RB1CC1: variants seen among roughly 807,000 people sequenced by gnomAD.
The protein encoded by RB1CC1 is RB1-inducible coiled-coil protein 1.
Under a neutral mutation model 177.5 loss-of-function variants are expected in RB1CC1, and 46 were observed. The observed-to-expected ratio is 0.26, with a 90% confidence interval of 0.20 to 0.33. The LOEUF is 0.33. Ranked by LOEUF, RB1CC1 falls within the 10% of genes least tolerant of loss-of-function variation. RB1CC1 has a pLI of 1.00. For missense variants in RB1CC1, 1,703 were observed against 1,816.3 expected (o/e 0.94, Z 1.13); for synonymous variants, 666 against 613.6 (o/e 1.09, Z -1.26).
chr8:52,653,393 T>C (rs934748637), intron 15 of RB1CC1, among the ~76,000 whole-genome samples: 3 of 152,150 alleles, frequency 2.0e-5, no homozygotes, highest in Non-Finnish European at 4.4e-5. Context: ...AGAGCAGTAA[T>C]TAGAAGGTTT....
At chr8:52,647,085 A>G (rs1850116681) in intron 15 of RB1CC1, among the ~76,000 whole-genome samples, 1 of 152,150 alleles carries the variant, frequency 6.6e-6, no homozygotes, top group Non-Finnish European at 1.5e-5. Context: ...TTCTTATGTA[A>G]TTTCCTCATC....
At chr8:52,683,760 T>G in intron 4 of RB1CC1, 41 bp from the exon 5 acceptor site, 1 of 1,558,636 alleles carries the variant, frequency 6.4e-7, no homozygotes, top group Non-Finnish European at 8.7e-7. Flanking sequence ...AAATAAAATG[T>G]TATAAATACT....
intron 1 of RB1CC1, among the ~76,000 whole-genome samples, chr8:52,695,698 G>T (rs1855339062): frequency 6.6e-6 from 1 of 152,248 alleles, no homozygotes; most frequent in Non-Finnish European, 1.5e-5. Flanking sequence ...CCAAGAGAAG[G>T]TAACACTGTC....
intron 18 of RB1CC1, among the ~76,000 whole-genome samples, chr8:52,636,453 T>C (rs1849149259): frequency 6.6e-6 from 1 of 152,206 alleles, no homozygotes; most frequent in Non-Finnish European, 1.5e-5. Context: ...CACTAGTTAC[T>C]ATGCCAGGTG....
At position 52,709,059 on chromosome 8, in the gene RB1CC1, T is replaced by C. The variant is rs918195703; in HGVS notation, c.-167+5016A>G. Among the ~76,000 whole-genome samples the C allele has an allele frequency of 2.6e-5, 4 of 151,972 alleles. No individual in the cohort carries two copies. The East Asian group carries it at 5.8e-4, about 22-fold the overall frequency. On this transcript the variant is annotated intron_variant, in intron 1 of 23. Transcript: ENST00000025008. ...CCCATTTCTACTAAAAACACAAAAT[T>C]ATCTGAGTGTGGTAGCACATGCCTG...
At chr8:52,680,317 T>C (rs1853576469) in intron 5 of RB1CC1, among the ~76,000 whole-genome samples, 3 of 152,168 alleles carry the variant, frequency 2.0e-5, no homozygotes, top group Non-Finnish European at 4.4e-5. Context: ...GTATCACTGA[T>C]TGAAGGCTAC....
At chr8:52,633,582 T>C (rs1848917612) in intron 20 of RB1CC1, among the ~76,000 whole-genome samples, 1 of 152,244 alleles carries the variant, frequency 6.6e-6, no homozygotes, top group Admixed American at 6.5e-5. Flanking sequence ...AAGATATTTT[T>C]ATTTTTTAAA....
chr8:52,699,104 T>C (rs776246570), intron 1 of RB1CC1, among the ~76,000 whole-genome samples: 4 of 152,166 alleles, frequency 2.6e-5, no homozygotes, highest in Non-Finnish European at 4.4e-5. Flanking sequence ...ACTGAATTGG[T>C]AATACTCCAG....
At chr8:52,625,386 T>C (rs1179784442) in intron 22 of RB1CC1, among the ~76,000 whole-genome samples, 1 of 152,132 alleles carries the variant, frequency 6.6e-6, no homozygotes, top group African/African-American at 2.4e-5. Context: ...CTGAAAAATG[T>C]GAGAGAAGAC....
chr8:52,676,660 G>T, intron 5 of RB1CC1, 89 bp from the exon 6 acceptor site: 2 of 1,161,014 alleles, frequency 1.7e-6, no homozygotes, highest in Non-Finnish European at 2.5e-6. Context: ...TGTACGTGTG[G>T]ATGCGTTGTA....
At chr8:52,658,579 G>GAAAAAAAAAAAAA (rs67680393) in intron 13 of RB1CC1, among the ~76,000 whole-genome samples, 1 of 98,798 alleles carries the variant, frequency 1.0e-5, no homozygotes, top group African/African-American at 3.9e-5. Flanking sequence ...TCCGTCTCAA[G>GAAAAAAAAAAAAA]AAAAAAAAAA....
At chr8:52,658,188 C>T (rs1211956672) in intron 13 of RB1CC1, 64 bp from the exon 14 acceptor site, 8 of 1,467,690 alleles carry the variant, frequency 5.5e-6, no homozygotes, top group Non-Finnish European at 7.4e-6. Context: ...TAACTGCTAC[C>T]AAATATTTTA....
At position 52,656,494 on chromosome 8, in the gene RB1CC1, T is replaced by C. The variant is rs1563386186; in HGVS notation, c.3335A>G (p.Gln1112Arg). Reference sequence around the variant, plus strand: ...CACCTGATAATTTTCATTATTATCCTGAATCTTTTGGTTGAGTTTACTAAT... The same window carrying C: ...CACCTGATAATTTTCATTATTATCCCGAATCTTTTGGTTGAGTTTACTAAT... ...TEISKLNQKI[Q>R]DNNENYQVGL... The change falls in exon 15 of 24, where the codon CAG becomes CGG. Residue 1112 changes from glutamine (Q) to arginine (R), a missense_variant. By Grantham distance (43) the Gln-to-Arg change is conservative. Around this residue, in one of 6 missense-constraint regions of RB1CC1, gnomAD observed 1,169 missense variants for 1,184.7 expected, o/e 0.99. Transcript: ENST00000025008. 2 of 1,611,200 alleles carry C rather than the reference T, an allele frequency of 1.2e-6. No individual in the cohort carries two copies. Among genetic ancestry groups the C allele is most frequent in the Non-Finnish European group, 1.7e-6 (2 of 1,179,658 alleles).
intron 1 of RB1CC1, among the ~76,000 whole-genome samples, chr8:52,688,144 G>A (rs1854452092): frequency 6.6e-6 from 1 of 152,166 alleles, no homozygotes; most frequent in Admixed American, 6.5e-5. Flanking sequence ...TAAAACATGT[G>A]TGTTTGAACA....
intron 1 of RB1CC1, among the ~76,000 whole-genome samples, chr8:52,712,814 G>A (rs1226493593): frequency 1.3e-5 from 2 of 152,044 alleles, no homozygotes; most frequent in African/African-American, 2.4e-5. Flanking sequence ...CTTCATTAGG[G>A]CCATATTCTG....
intron 18 of RB1CC1, among the ~76,000 whole-genome samples, chr8:52,637,671 A>C (rs1849254778): frequency 6.6e-6 from 1 of 151,616 alleles, no homozygotes; most frequent in African/African-American, 2.4e-5. Flanking sequence ...TTATTTATTT[A>C]TTTATTTATT....
chr8:52,655,947 T>C, intron 15 of RB1CC1, 61 bp downstream of exon 15: 2 of 1,312,926 alleles, frequency 1.5e-6, no homozygotes, highest in Non-Finnish European at 2.1e-6. Context: ...GTACTGTGAT[T>C]ACACACAAAC....
chr8:52,668,234 T>C (rs757483453), intron 7 of RB1CC1, 43 bp from the exon 8 acceptor site: 4 of 1,592,944 alleles, frequency 2.5e-6, no homozygotes, highest in Non-Finnish European at 3.4e-6. Context: ...TTTCAGCAAA[T>C]AGTTTAAAAT....
chr8:52,653,808 C>T (rs1446142853), intron 15 of RB1CC1, among the ~76,000 whole-genome samples: 1 of 152,152 alleles, frequency 6.6e-6, no homozygotes, highest in Non-Finnish European at 1.5e-5. Flanking sequence ...ATGAGCATTT[C>T]CTTTAAGCAT....
Sources: gnomAD v4.1 joint callset for allele counts (sites outside exome capture counted in the v4.1 genomes callset) on GRCh38, gnomAD v4.1.1 for gene constraint, gnomAD v4.1.1 regional missense constraint, MANE v1.5 for transcripts, NCBI Gene and HGNC (gene_info 2026-07-23, HGNC 2026-07-21) for gene names.